Variants in WDR53 observed in about 807,000 individuals in gnomAD.
WDR53 encodes WD repeat domain 53.
WDR53 carries 19 observed loss-of-function variants against 21.3 expected under a neutral mutation model. That is an observed-to-expected ratio of 0.89 (90% CI 0.62 to 1.31). The LOEUF (loss-of-function observed/expected upper bound fraction) is 1.31, where lower values mean the gene tolerates loss of function less well. Ranked by LOEUF, WDR53 falls within the 50% of genes most tolerant of loss-of-function variation. WDR53 has a pLI of 0.00. For missense variants in WDR53, 374 were observed against 423.2 expected (o/e 0.88, Z 1.02); for synonymous variants, 157 against 163.4 (o/e 0.96, Z 0.30).
At chr3:196,563,032 CG>C (rs1183778196) in intron 2 of WDR53, among the ~76,000 whole-genome samples, 2 of 151,910 alleles carry the variant, frequency 1.3e-5, no homozygotes, top group African/African-American at 4.8e-5. Context: ...TTTGCAAAGT[CG>C]GGGTCTCCCT....
At chr3:196,560,929 C>T (rs1358173079) in intron 3 of WDR53, 67 bp downstream of exon 3, 42 of 1,534,112 alleles carry the variant, frequency 2.7e-5, no homozygotes, top group Non-Finnish European at 3.4e-5. Context: ...TTCGTGTGAT[C>T]AATAATTTGA....
chr3:196,554,212 T>TA lies in WDR53; in HGVS notation c.1075dup (p.Ter359LeufsTer?). 1 of 1,549,180 alleles carries TA rather than the reference T, an allele frequency of 6.5e-7. No individual in the cohort carries two copies. Among genetic ancestry groups the TA allele is most frequent in the Non-Finnish European group, 8.7e-7 (1 of 1,144,314 alleles). On this transcript the variant is annotated frameshift_variant and stop_lost, in exon 4 of 4. Coordinates refer to ENST00000332629, the MANE Select transcript of WDR53 (RefSeq NM_182627.3). LOFTEE classifies it high-confidence loss of function. ...ATTCTTCAAATGTTTTTATTGGATT[T>TA]AAAATTCATTTAAGGGGTATACAGA... is the stretch of plus-strand genomic sequence containing the variant.
chr3:196,556,456 A>C (rs111923921), intron 3 of WDR53, among the ~76,000 whole-genome samples: 6,737 of 152,126 alleles, frequency 0.044, 479 homozygotes, highest in African/African-American at 0.15. Context: ...GGAGATCGAG[A>C]CCATCCTGGC....
intron 3 of WDR53, among the ~76,000 whole-genome samples, chr3:196,556,570 G>A (rs990064413): frequency 2.0e-5 from 3 of 151,702 alleles, no homozygotes; most frequent in Admixed American, 2.0e-4. Flanking sequence ...GCAGGAGAAT[G>A]GCGTGAACCT....
intron 3 of WDR53, among the ~76,000 whole-genome samples, chr3:196,560,219 G>A (rs1392450574): frequency 6.6e-6 from 1 of 151,464 alleles, no homozygotes; most frequent in East Asian, 1.9e-4. Flanking sequence ...TCTGTATTTG[G>A]GCAATTTGTG....
intron 2 of WDR53, among the ~76,000 whole-genome samples, chr3:196,566,482 C>T (rs1735406446): frequency 6.6e-6 from 1 of 150,880 alleles, no homozygotes; most frequent in Non-Finnish European, 1.5e-5. Flanking sequence ...GGTGCAATCT[C>T]GGCTCACTGC....
rs527786861 is a variant in WDR53, at chr3:196,560,343, G to A, written c.480+653C>T. On this transcript the variant is annotated intron_variant, in intron 3 of 3. Transcript: ENST00000332629. ...CTGCAACCTCCACCTCCTGGGTCAA[G>A]CGATTCTGCTGCCTCAGCCTCCCAA... Among the ~76,000 whole-genome samples the A allele has an allele frequency of 4.6e-5, 7 of 151,738 alleles. No individual in the cohort carries two copies. The South Asian group carries it at 1.5e-3, about 31-fold the overall frequency.
chr3:196,561,599 C>T (rs1734879861), intron 2 of WDR53, 108 bp from the exon 3 acceptor site: 3 of 1,062,352 alleles, frequency 2.8e-6, no homozygotes, highest in Non-Finnish European at 3.8e-6. Flanking sequence ...TTTAAAAATA[C>T]ATCTTAAAAA....
chr3:196,557,464 T>G (rs889685030), intron 3 of WDR53, among the ~76,000 whole-genome samples: 1 of 152,166 alleles, frequency 6.6e-6, no homozygotes, highest in Non-Finnish European at 1.5e-5. Flanking sequence ...GAGGATCACC[T>G]GAGGGAGTGC....
intron 3 of WDR53, among the ~76,000 whole-genome samples, chr3:196,560,167 A>G (rs941393104): frequency 6.6e-6 from 1 of 152,202 alleles, no homozygotes; most frequent in Non-Finnish European, 1.5e-5. Flanking sequence ...AGTTCTCTAC[A>G]TAATGGGTTT....
Position 196,567,030 on chromosome 3 carries a change from A to G in WDR53, c.-170T>C. On this transcript the variant is annotated 5_prime_UTR_variant, in exon 2 of 4. Coordinates refer to ENST00000332629, the MANE Select transcript of WDR53 (RefSeq NM_182627.3). ...GATAAAGGCCAGTCTTTAAAAACTG[A>G]GTGATCTCTAAACACTCTGCACTAG... The G allele has an allele frequency of 2.9e-6, 1 of 350,626 alleles. No individual in the cohort carries two copies. Among genetic ancestry groups the G allele is most frequent in the Non-Finnish European group, 5.7e-6 (1 of 174,436 alleles). The allele number at this position is 350,626 out of a possible 1,614,324, so 21.7% of individuals were successfully genotyped here.
chr3:196,568,542 G>C lies in WDR53; in HGVS notation c.-471C>G, dbSNP rs73081025. On this transcript the variant is annotated 5_prime_UTR_variant, in exon 1 of 4. Transcript: ENST00000332629. ...ACCTGCGCTTCCCGCTCCCCTCCTC[G>C]GCGCCTAGTGATAACCTCACCCGCC... 6,496 of 152,534 alleles carry C rather than the reference G, an allele frequency of 0.043. 441 individuals are homozygous for C. The highest frequency in any genetic ancestry group is 0.15 in the African/African-American group (6,178 of 41,576). 9.4% of individuals were successfully genotyped at this position (152,534 alleles called of 1,614,324 possible).
At chr3:196,567,751 T>TTGTG (rs3080583) in intron 1 of WDR53, among the ~76,000 whole-genome samples, 6,337 of 143,584 alleles carry the variant, frequency 0.044, 168 homozygotes, top group African/African-American at 0.078. Flanking sequence ...GCTGAAATTC[T>TTGTG]TGTGTGTGTG....
chr3:196,563,569 AC>A (rs1266180067), intron 2 of WDR53, among the ~76,000 whole-genome samples: 1 of 136,134 alleles, frequency 7.3e-6, no homozygotes, highest in Non-Finnish European at 1.6e-5. Context: ...CATTCCCAAC[AC>A]AAAGCTTTTT....
At chr3:196,556,641 G>C (rs930704651) in intron 3 of WDR53, among the ~76,000 whole-genome samples, 28 of 134,796 alleles carry the variant, frequency 2.1e-4, no homozygotes, top group Non-Finnish European at 4.0e-4. Flanking sequence ...GGGCAACAGA[G>C]CAAGACTCCG....
chr3:196,558,593 G>T (rs1305299498), intron 3 of WDR53, among the ~76,000 whole-genome samples: 1 of 152,162 alleles, frequency 6.6e-6, no homozygotes. Flanking sequence ...AAAAAGATAG[G>T]TATGCTGAAC....
At position 196,554,800 on chromosome 3, in the gene WDR53, A is replaced by G. The variant is rs754970002; in HGVS notation, c.488T>C (p.Leu163Pro). 1.9e-6 allele frequency: 3 copies of G among 1,611,370 alleles called. No homozygotes were observed. Among genetic ancestry groups the G allele is most frequent in the East Asian group, 2.2e-5 (1 of 44,846 alleles). Residue 163 changes from leucine (L) to proline (P), a missense_variant, in exon 4 of 4, where the codon CTG becomes CCG. Transcript: ENST00000332629. ...TGGTCGGGCTTTTTGAAGACTCCAC[A>G]GCATCACCTTTACATAAGAAGAAAT... ...VSCGLDMQVM[L>P]WSLQKARPLW...
chr3:196,561,170 C>G lies in WDR53; in HGVS notation c.306G>C (p.Leu102Phe), dbSNP rs1488337708. Residue 102 changes from leucine (L) to phenylalanine (F), a missense_variant, in exon 3 of 4, where the codon TTG (leucine) becomes TTC (phenylalanine). By Grantham distance (22) the Leu-to-Phe change is conservative. Transcript: ENST00000332629. Reference protein sequence around the residue: ...VNEEEINCLSLNQTENLLASA... With the variant: ...VNEEEINCLSFNQTENLLASA... Reference sequence around the variant, plus strand: ...AAGCCAGCAGGTTTTCCGTTTGATTCAATGAAAGACAATTGATTTCTTCTT... The same window carrying G: ...AAGCCAGCAGGTTTTCCGTTTGATTGAATGAAAGACAATTGATTTCTTCTT... The G allele has an allele frequency of 6.2e-7, 1 of 1,614,148 alleles. No homozygotes were observed. The highest frequency in any genetic ancestry group is 8.5e-7 in the Non-Finnish European group (1 of 1,180,028).
At chr3:196,561,622 T>TAAAA in intron 2 of WDR53, 131 bp from the exon 3 acceptor site, 1 of 752,768 alleles carries the variant, frequency 1.3e-6, no homozygotes, top group Non-Finnish European at 1.9e-6. Flanking sequence ...CTCAATTAAT[T>TAAAA]AAAAAAAAAA....
Sources: gnomAD v4.1 joint callset for allele counts (sites outside exome capture counted in the v4.1 genomes callset) on GRCh38, gnomAD v4.1.1 for gene constraint, MANE v1.5 for transcripts, NCBI Gene and HGNC (gene_info 2026-07-23, HGNC 2026-07-21) for gene names.